PLCB1: variants seen among roughly 807,000 people sequenced by gnomAD.
PLCB1 encodes the protein 1-phosphatidylinositol 4,5-bisphosphate phosphodiesterase beta-1.
In PLCB1, 46 loss-of-function variants were observed where a neutral mutation model predicts 161.8. That is an observed-to-expected ratio of 0.28 (90% CI 0.22 to 0.36). The LOEUF is 0.36. PLCB1 is among the 10% of genes least tolerant of loss of function. PLCB1 has a pLI of 1.00. For synonymous variants in PLCB1, 517 were observed against 503.7 expected (o/e 1.03, Z -0.35); for missense variants, 1,016 against 1,472.5 (o/e 0.69, Z 5.07).
intron 3 of PLCB1, among the ~76,000 whole-genome samples, chr20:8,376,667 G>A (rs1443414439): frequency 6.6e-6 from 1 of 152,174 alleles, no homozygotes; most frequent in African/African-American, 2.4e-5. Flanking sequence ...AGTGGCTCAC[G>A]CCTGTAATCC....
At chr20:8,713,853 T>C (rs1228845513) in intron 12 of PLCB1, among the ~76,000 whole-genome samples, 1 of 152,160 alleles carries the variant, frequency 6.6e-6, no homozygotes, top group Non-Finnish European at 1.5e-5. Flanking sequence ...GTGATAATCA[T>C]GGCTCCAGTA....
At chr20:8,842,760 C>T (rs1242294479) in intron 31 of PLCB1, among the ~76,000 whole-genome samples, 9 of 152,128 alleles carry the variant, frequency 5.9e-5, no homozygotes, top group Non-Finnish European at 1.2e-4. Context: ...CAGAACAGAA[C>T]AGGACGGGAT....
intron 31 of PLCB1, among the ~76,000 whole-genome samples, chr20:8,848,892 G>A (rs1364267129): frequency 6.6e-6 from 1 of 152,224 alleles, no homozygotes; most frequent in East Asian, 1.9e-4. Context: ...TTTTCTCTCT[G>A]CTGCCTAACA....
At chr20:8,812,475 C>T (rs1984875037) in intron 31 of PLCB1, among the ~76,000 whole-genome samples, 1 of 152,126 alleles carries the variant, frequency 6.6e-6, no homozygotes, top group Non-Finnish European at 1.5e-5. Context: ...CAAAGAGGCT[C>T]CCTCTGGTGT....
chr20:8,845,601 G>T (rs192269598), intron 31 of PLCB1, among the ~76,000 whole-genome samples: 2 of 152,098 alleles, frequency 1.3e-5, no homozygotes, highest in African/African-American at 4.8e-5. Context: ...CTATTGGGTC[G>T]GGCTGCCTTA....
chr20:8,650,489 C>G (rs1989287057), intron 7 of PLCB1, among the ~76,000 whole-genome samples: 1 of 152,318 alleles, frequency 6.6e-6, no homozygotes, highest in South Asian at 2.1e-4. Context: ...AGCTGCTACT[C>G]TGAGCACACT....
In PLCB1 at chr20:8,577,341, G is replaced by A. The variant is rs566834486; in HGVS notation, c.247-50953G>A. Among the ~76,000 whole-genome samples the A allele has an allele frequency of 4.4e-4, 67 of 151,350 alleles. No homozygotes were observed. The South Asian group carries it at 7.7e-3, about 17-fold the overall frequency. On this transcript the variant is annotated intron_variant, in intron 3 of 31. Transcript: ENST00000338037. ...TAATCCCAGCTACTCCGGAGGCTGA[G>A]GCAGGAGAATGGCGTGAACCCGGGA...
chr20:8,306,017 C>T (rs1206024769), intron 2 of PLCB1: 1 of 152,052 alleles, frequency 6.6e-6, no homozygotes, highest in Non-Finnish European at 1.5e-5. Flanking sequence ...AAATGGGCTT[C>T]GGAAGCATAA....
chr20:8,365,396 C>G (rs552083619), intron 2 of PLCB1, among the ~76,000 whole-genome samples: 3 of 152,294 alleles, frequency 2.0e-5, no homozygotes, highest in African/African-American at 7.2e-5. Flanking sequence ...CTATACCTCT[C>G]ATTTCCATTG....
intron 3 of PLCB1, among the ~76,000 whole-genome samples, chr20:8,580,046 C>G (rs1034896986): frequency 6.6e-5 from 10 of 152,082 alleles, no homozygotes; most frequent in Admixed American, 2.6e-4. Context: ...AATATTGGCC[C>G]TGAGTATGAC....
intron 2 of PLCB1, among the ~76,000 whole-genome samples, chr20:8,177,987 G>C (rs1272506310): frequency 6.6e-6 from 1 of 152,118 alleles, no homozygotes; most frequent in Non-Finnish European, 1.5e-5. Context: ...TTAGGGTAAT[G>C]GCCTCCAGCT....
intron 25 of PLCB1, among the ~76,000 whole-genome samples, chr20:8,760,723 T>G (rs1344358114): frequency 6.6e-6 from 1 of 152,248 alleles, no homozygotes; most frequent in Non-Finnish European, 1.5e-5. Flanking sequence ...CATCAAAGAA[T>G]AGTTTCATGC....
intron 19 of PLCB1, among the ~76,000 whole-genome samples, chr20:8,734,202 T>C (rs1980464258): frequency 6.8e-6 from 1 of 147,254 alleles, no homozygotes; most frequent in African/African-American, 2.5e-5. Context: ...GACTGAACTT[T>C]ATTCTTAATG....
chr20:8,220,040 C>T (rs1361293179), intron 2 of PLCB1, among the ~76,000 whole-genome samples: 1 of 151,934 alleles, frequency 6.6e-6, no homozygotes, highest in African/African-American at 2.4e-5. Context: ...AATGAATGAG[C>T]CCTTATTTGT....
intron 3 of PLCB1, among the ~76,000 whole-genome samples, chr20:8,465,189 C>G (rs1391450771): frequency 1.3e-5 from 2 of 151,908 alleles, no homozygotes; most frequent in Non-Finnish European, 2.9e-5. Flanking sequence ...TAAGTGTTGT[C>G]TGAGACCTGG....
intron 23 of PLCB1, among the ~76,000 whole-genome samples, chr20:8,752,647 G>A (rs144898323): frequency 6.6e-6 from 1 of 151,942 alleles, no homozygotes; most frequent in African/African-American, 2.4e-5. Flanking sequence ...ACAAAAATTA[G>A]CTGGGCATGG....
intron 2 of PLCB1, among the ~76,000 whole-genome samples, chr20:8,311,500 G>C (rs1984402228): frequency 6.6e-6 from 1 of 152,176 alleles, no homozygotes; most frequent in Admixed American, 6.5e-5. Flanking sequence ...ACTTCACTTT[G>C]ATCCATCTTC....
intron 9 of PLCB1, among the ~76,000 whole-genome samples, chr20:8,679,642 A>C (rs1457619981): frequency 6.6e-6 from 1 of 152,210 alleles, no homozygotes; most frequent in Non-Finnish European, 1.5e-5. Flanking sequence ...TGTTTTTTCC[A>C]TTCCTTGAGG....
chr20:8,412,672 C>T (rs1301694134), intron 3 of PLCB1, among the ~76,000 whole-genome samples: 2 of 151,964 alleles, frequency 1.3e-5, no homozygotes, highest in African/African-American at 2.4e-5. Context: ...ACATGGTTAT[C>T]CTGAAGATTC....
Sources: allele counts gnomAD v4.1 joint callset (sites outside exome capture counted in the v4.1 genomes callset), GRCh38; gene constraint gnomAD v4.1.1; transcripts MANE v1.5; gene names NCBI Gene and HGNC (gene_info 2026-07-23, HGNC 2026-07-21).